Variants in TMEM108 observed in about 807,000 individuals in gnomAD.
TMEM108 encodes transmembrane protein 108, also known as cancer/testis antigen 124.
TMEM108 carries 12 observed loss-of-function variants against 35.1 expected under a neutral mutation model. That is an observed-to-expected ratio of 0.34 (90% CI 0.22 to 0.55). The LOEUF (loss-of-function observed/expected upper bound fraction) is 0.55, where lower values mean the gene tolerates loss of function less well. Among genes scored for constraint, TMEM108 ranks in the 20% least tolerant of loss-of-function variants. TMEM108 has a pLI of 0.89. For missense variants in TMEM108, 680 were observed against 753.3 expected, an observed-to-expected ratio of 0.90 and a Z score of 1.14; for synonymous variants, 287 against 308.6, an observed-to-expected ratio of 0.93 and a Z score of 0.73.
At chr3:133,083,192 C>T (rs1943837427) in intron 2 of TMEM108, among the ~76,000 whole-genome samples, 1 of 143,908 alleles carries the variant, frequency 6.9e-6, no homozygotes, top group Non-Finnish European at 1.5e-5. Flanking sequence ...CCCCCGCCGC[C>T]CCACTCCTCA....
chr3:133,305,837 A>G (rs1010089493), intron 3 of TMEM108, among the ~76,000 whole-genome samples: 2 of 152,110 alleles, frequency 1.3e-5, no homozygotes, highest in Non-Finnish European at 2.9e-5. Context: ...AATGACTAAT[A>G]ATATTGAGCA....
intron 3 of TMEM108, among the ~76,000 whole-genome samples, chr3:133,240,243 A>G (rs1233441152): frequency 1.3e-5 from 2 of 152,206 alleles, no homozygotes; most frequent in Non-Finnish European, 2.9e-5. Context: ...AGTCATTCAC[A>G]TAGAAAATTT....
intron 3 of TMEM108, among the ~76,000 whole-genome samples, chr3:133,360,819 G>A (rs1486143231): frequency 6.6e-6 from 1 of 152,134 alleles, no homozygotes; most frequent in Admixed American, 6.6e-5. Flanking sequence ...ATCCCCAGTG[G>A]GCTATCTCCA....
chr3:133,255,761 G>A (rs576481273), intron 3 of TMEM108, among the ~76,000 whole-genome samples: 2 of 152,298 alleles, frequency 1.3e-5, no homozygotes, highest in East Asian at 3.9e-4. Flanking sequence ...GGCCGAGGTG[G>A]ATAGATCACC....
intron 2 of TMEM108, among the ~76,000 whole-genome samples, chr3:133,197,674 A>G (rs1360266973): frequency 6.8e-6 from 1 of 148,110 alleles, no homozygotes; most frequent in East Asian, 2.0e-4. Context: ...TGGAGCCTGC[A>G]CCCGAGGTAG....
At chr3:133,211,313 C>T (rs114778005) in intron 2 of TMEM108, among the ~76,000 whole-genome samples, 5,327 of 152,134 alleles carry the variant, frequency 0.035, 285 homozygotes, top group African/African-American at 0.11. Context: ...TTGACTGCTG[C>T]CCAAAGGAAA....
At chr3:133,095,069 G>T (rs1943996123) in intron 2 of TMEM108, among the ~76,000 whole-genome samples, 1 of 152,048 alleles carries the variant, frequency 6.6e-6, no homozygotes, top group African/African-American at 2.4e-5. Context: ...ATTCCCTTAG[G>T]CCCTCTTTAG....
chr3:133,128,775 G>A (rs1944449644), intron 2 of TMEM108, among the ~76,000 whole-genome samples: 1 of 152,204 alleles, frequency 6.6e-6, no homozygotes, highest in Non-Finnish European at 1.5e-5. Context: ...CACAGCAAGT[G>A]TGAGGCTGGT....
intron 3 of TMEM108, among the ~76,000 whole-genome samples, chr3:133,264,658 G>T (rs1946672409): frequency 6.6e-6 from 1 of 152,056 alleles, no homozygotes; most frequent in South Asian, 2.1e-4. Flanking sequence ...ACTGGCTTTT[G>T]GAACAGTCCA....
chr3:133,387,634 C>T (rs1016739389), intron 4 of TMEM108: 9 of 787,540 alleles, frequency 1.1e-5, no homozygotes, highest in African/African-American at 1.9e-5. Context: ...TTTCCATGCC[C>T]CACCTTCTAG....
intron 2 of TMEM108, among the ~76,000 whole-genome samples, chr3:133,160,175 C>T (rs1944941150): frequency 6.6e-6 from 1 of 152,178 alleles, no homozygotes; most frequent in Non-Finnish European, 1.5e-5. Flanking sequence ...GGCTGCTGCT[C>T]CTTTTGTGGG....
At chr3:133,336,420 A>G (rs2071504535) in intron 3 of TMEM108, among the ~76,000 whole-genome samples, 1 of 152,126 alleles carries the variant, frequency 6.6e-6, no homozygotes, top group Non-Finnish European at 1.5e-5. Flanking sequence ...ATAGGGCAAC[A>G]GTCAGAGTAT....
chr3:133,309,922 G>A (rs1353547289), intron 3 of TMEM108, among the ~76,000 whole-genome samples: 12 of 151,940 alleles, frequency 7.9e-5, no homozygotes, highest in Admixed American at 7.9e-4. Flanking sequence ...GGATGGTCTC[G>A]ATCTCCTGAC....
intron 2 of TMEM108, among the ~76,000 whole-genome samples, chr3:133,085,993 T>C (rs1943877257): frequency 6.6e-6 from 1 of 152,202 alleles, no homozygotes; most frequent in Non-Finnish European, 1.5e-5. Flanking sequence ...TTTTCTCTTG[T>C]TCAACTCTTC....
chr3:133,118,135 T>C (rs1342859424), intron 2 of TMEM108, among the ~76,000 whole-genome samples: 1 of 152,156 alleles, frequency 6.6e-6, no homozygotes, highest in East Asian at 1.9e-4. Flanking sequence ...TTCTAGGAGT[T>C]GGTAAAGTAC....
intron 3 of TMEM108, chr3:133,246,911 G>T (rs190201366): frequency 1.3e-5 from 2 of 152,330 alleles, no homozygotes; most frequent in East Asian, 3.9e-4. Context: ...AAGAACAAGG[G>T]TTGTTATATT....
At chr3:133,267,861 G>A (rs995189475) in intron 3 of TMEM108, among the ~76,000 whole-genome samples, 1 of 152,232 alleles carries the variant, frequency 6.6e-6, no homozygotes, top group African/African-American at 2.4e-5. Context: ...GTGAATGATT[G>A]AAGAGAGGGC....
At chr3:133,130,973 G>A (rs577212098) in intron 2 of TMEM108, among the ~76,000 whole-genome samples, 1 of 152,280 alleles carries the variant, frequency 6.6e-6, no homozygotes, top group South Asian at 2.1e-4. Flanking sequence ...AATACCAATG[G>A]ATTAGGCTAA....
At chr3:133,324,931 G>A (rs964464347) in intron 3 of TMEM108, among the ~76,000 whole-genome samples, 5 of 152,114 alleles carry the variant, frequency 3.3e-5, no homozygotes, top group African/African-American at 9.7e-5. Context: ...AGCTGAGATC[G>A]CACCACTACA....
Sources: gnomAD v4.1 joint callset for allele counts (sites outside exome capture counted in the v4.1 genomes callset) on GRCh38, gnomAD v4.1.1 for gene constraint, MANE v1.5 for transcripts, NCBI Gene and HGNC (gene_info 2026-07-23, HGNC 2026-07-21) for gene names.